Variants in C1GALT1 observed in about 807,000 individuals in gnomAD.
The protein encoded by C1GALT1 is core 1 synthase, glycoprotein-N-acetylgalactosamine 3-beta-galactosyltransferase 1.
C1GALT1 carries 11 observed loss-of-function variants against 31.0 expected under a neutral mutation model. The observed-to-expected ratio is 0.36, with a 90% confidence interval of 0.22 to 0.59. C1GALT1 has a LOEUF of 0.59. C1GALT1 is among the 20% of genes least tolerant of loss of function. C1GALT1 has a pLI of 0.79. For synonymous variants in C1GALT1, 175 were observed against 143.6 expected (o/e 1.22, Z -1.56); for missense variants, 424 against 425.2 (o/e 1.00, Z 0.03).
intron 1 of C1GALT1, among the ~76,000 whole-genome samples, chr7:7,229,773 C>T (rs1782980351): frequency 6.6e-6 from 1 of 152,140 alleles, no homozygotes; most frequent in Non-Finnish European, 1.5e-5. Context: ...AGTAGGGAGG[C>T]AGAATTTGAG....
rs921947504 is a variant in C1GALT1, at chr7:7,177,496, G to A, written c.-18+20070G>A. On this transcript the variant is annotated intron_variant, in intron 2 of 3. Coordinates refer to the C1GALT1 transcript ENST00000429911. ...TAAGTACCTCTGTCACAACAAAGAGGAGCAGATATACTCAGCCACAGTTAC... is the reference window on the plus strand; with the variant it reads ...TAAGTACCTCTGTCACAACAAAGAGAAGCAGATATACTCAGCCACAGTTAC... Among the ~76,000 whole-genome samples the A allele has an allele frequency of 6.6e-5, 10 of 152,230 alleles. No individual in the cohort carries two copies. The East Asian group carries it at 1.9e-3, about 29-fold the overall frequency.
At chr7:7,157,860 A>T (rs17164012) in intron 2 of C1GALT1, among the ~76,000 whole-genome samples, 3,579 of 152,262 alleles carry the variant, frequency 0.024, 130 homozygotes, top group African/African-American at 0.081. Flanking sequence ...TTCCTTTAAA[A>T]TCAGACTTTA....
chr7:7,161,628 T>C (rs1423598308), intron 2 of C1GALT1, among the ~76,000 whole-genome samples: 1 of 152,064 alleles, frequency 6.6e-6, no homozygotes, highest in Non-Finnish European at 1.5e-5. Flanking sequence ...CATCATCATC[T>C]TCCTTTTACA....
At chr7:7,186,827 A>G (rs1428386949) in intron 1 of C1GALT1, among the ~76,000 whole-genome samples, 2 of 152,210 alleles carry the variant, frequency 1.3e-5, no homozygotes, top group African/African-American at 4.8e-5. Context: ...TTTTTGACCT[A>G]CAAAAACACC....
upstream of C1GALT1, chr7:7,178,327 T>C: frequency 4.4e-6 from 1 of 227,864 alleles, no homozygotes. Flanking sequence ...AGACTGGTCA[T>C]TTGTGAAGAG....
intron 2 of C1GALT1, among the ~76,000 whole-genome samples, chr7:7,159,363 G>A (rs1469620): frequency 0.69 from 105,487 of 151,868 alleles, 38,453 homozygotes; most frequent in East Asian, 0.93. Flanking sequence ...GGAAAGACGC[G>A]GGACAAATAC....
intron 1 of C1GALT1, among the ~76,000 whole-genome samples, chr7:7,203,600 A>G (rs747007747): frequency 1.3e-5 from 2 of 151,992 alleles, no homozygotes; most frequent in African/African-American, 4.8e-5. Context: ...TCAGTTTGCT[A>G]GTATTTTGTT....
chr7:7,239,729 A>T (rs749824300), intron 3 of C1GALT1, among the ~76,000 whole-genome samples: 1 of 148,232 alleles, frequency 6.7e-6, no homozygotes, highest in South Asian at 2.2e-4. Flanking sequence ...CAGAATATAC[A>T]TTGTACTTAT....
In C1GALT1 at chr7:7,238,949, T is replaced by A; in HGVS notation, c.888+27T>A. 2 of 1,552,750 alleles carry A rather than the reference T, an allele frequency of 1.3e-6. No homozygotes were observed. The highest frequency in any genetic ancestry group is 1.8e-6 in the Non-Finnish European group (2 of 1,138,460). On this transcript the variant is annotated intron_variant, in intron 3 of 3. Transcript: ENST00000436587. This position sits in a 1 kb window ranked among gnomAD's most constrained non-coding sequence, Gnocchi z 5.2. ...TAAGTTTAGAAATTTTATTACTATG[T>A]CAATACTTGGACTGACTGAATTTTG...
chr7:7,158,129 C>A (rs1046508787), intron 2 of C1GALT1, among the ~76,000 whole-genome samples: 5 of 152,160 alleles, frequency 3.3e-5, no homozygotes, highest in African/African-American at 1.2e-4. Context: ...AGTAAAATTA[C>A]TATATCCCTC....
intron 1 of C1GALT1, among the ~76,000 whole-genome samples, chr7:7,231,787 A>G (rs1218847585): frequency 1.3e-5 from 2 of 151,556 alleles, no homozygotes; most frequent in South Asian, 2.1e-4. Context: ...CATGTTGTAT[A>G]CCAAAAAAAA....
intron 2 of C1GALT1, chr7:7,235,171 C>G (rs1221888567): frequency 1.3e-5 from 2 of 152,206 alleles, no homozygotes; most frequent in Non-Finnish European, 2.9e-5. Flanking sequence ...TAATTTCCTT[C>G]TATTTCTTAC....
chr7:7,218,748 G>A (rs1782366790), intron 1 of C1GALT1, among the ~76,000 whole-genome samples: 1 of 152,084 alleles, frequency 6.6e-6, no homozygotes, highest in Non-Finnish European at 1.5e-5. Flanking sequence ...ATTTGGAAAG[G>A]TCCATTTGGT....
chr7:7,188,490 A>G (rs191773541), intron 1 of C1GALT1, among the ~76,000 whole-genome samples: 1 of 152,228 alleles, frequency 6.6e-6, no homozygotes, highest in African/African-American at 2.4e-5. Context: ...TTATCATATT[A>G]TTTCACTCTG....
chr7:7,207,107 TC>T (rs755388071), intron 1 of C1GALT1, among the ~76,000 whole-genome samples: 1 of 152,106 alleles, frequency 6.6e-6, no homozygotes, highest in Non-Finnish European at 1.5e-5. Flanking sequence ...GTGTCACAAG[TC>T]CCTTAGGACC....
At chr7:7,205,781 T>C (rs1781713563) in intron 1 of C1GALT1, among the ~76,000 whole-genome samples, 1 of 152,220 alleles carries the variant, frequency 6.6e-6, no homozygotes, top group African/African-American at 2.4e-5. Flanking sequence ...TGCCTTCACT[T>C]TCACCCTGTT....
intron 3 of C1GALT1, among the ~76,000 whole-genome samples, chr7:7,241,176 G>C (rs979448764): frequency 6.6e-6 from 1 of 151,922 alleles, no homozygotes; most frequent in Non-Finnish European, 1.5e-5. Flanking sequence ...ACTTTATTCA[G>C]TTTTATTTAC....
chr7:7,159,911 C>T (rs189697644), intron 2 of C1GALT1, among the ~76,000 whole-genome samples: 21 of 152,256 alleles, frequency 1.4e-4, no homozygotes, highest in Non-Finnish European at 2.9e-4. Flanking sequence ...CAGCTATCAG[C>T]TCCGAGCTTG....
At chr7:7,222,511 G>A (rs1029958354) in intron 1 of C1GALT1, among the ~76,000 whole-genome samples, 4 of 152,192 alleles carry the variant, frequency 2.6e-5, no homozygotes, top group African/African-American at 9.6e-5. Context: ...AGGTTTTTAT[G>A]TTTAATAGCT....
Sources: gnomAD v4.1 joint callset for allele counts (sites outside exome capture counted in the v4.1 genomes callset) on GRCh38, gnomAD v4.1.1 for gene constraint, Gnocchi (gnomAD v3.1) non-coding constraint, MANE v1.5 for transcripts, NCBI Gene and HGNC (gene_info 2026-07-23, HGNC 2026-07-21) for gene names.